LUC7L: variants seen among roughly 807,000 people sequenced by gnomAD.
LUC7L encodes the protein putative RNA-binding protein Luc7-like 1.
Under a neutral mutation model 51.1 loss-of-function variants are expected in LUC7L, and 29 were observed. The ratio of observed to expected loss-of-function variants is 0.57; its 90% CI spans 0.42 to 0.77. LUC7L has a LOEUF of 0.77. Among genes scored for constraint, LUC7L ranks in the 30% least tolerant of loss-of-function variants. LUC7L has a pLI of 0.00. For missense variants in LUC7L, 403 were observed against 511.9 expected (o/e 0.79, Z 2.05); for synonymous variants, 181 against 180.7 (o/e 1.00, Z -0.01).
At chr16:223,404 C>G (rs1337705317) in intron 2 of LUC7L, among the ~76,000 whole-genome samples, 1 of 152,002 alleles carries the variant, frequency 6.6e-6, no homozygotes, top group African/African-American at 2.4e-5. Flanking sequence ...GTGGCATACT[C>G]ACTAACAAAA....
chr16:214,115 T>G (rs528240872), intron 3 of LUC7L, among the ~76,000 whole-genome samples: 2 of 152,234 alleles, frequency 1.3e-5, no homozygotes, highest in East Asian at 3.9e-4. Context: ...TCGCCCAGGC[T>G]AGAGTGCAAT....
At chr16:189,375 C>T in intron 9 of LUC7L, 36 bp from the exon 10 acceptor site, 5 of 1,582,406 alleles carry the variant, frequency 3.2e-6, no homozygotes, top group Admixed American at 1.7e-5. Flanking sequence ...GTGGAGGCTG[C>T]TGCCCCCCTT....
Position 190,561 on chromosome 16 carries a change from T to G in LUC7L, c.786A>C (p.Ser262=), listed in dbSNP as rs776526160. ...REERLSRRSG[S]RTRDRRRSRS... is the part of the protein sequence containing the mutation. Reference sequence around the variant, plus strand: ...CCTACCTCCTGCGATCTCTGGTTCTTGATCCCGACCTAAAAGGGGGAAAAA... The same window carrying G: ...CCTACCTCCTGCGATCTCTGGTTCTGGATCCCGACCTAAAAGGGGGAAAAA... Residue 262 remains serine (S), a synonymous_variant, in exon 8 of 10, where the codon TCA becomes TCC. Coordinates refer to ENST00000293872, the MANE Select transcript of LUC7L (RefSeq NM_201412.3). 2 of 1,613,530 alleles carry G rather than the reference T, an allele frequency of 1.2e-6. No homozygotes were observed. Among genetic ancestry groups the G allele is most frequent in the Non-Finnish European group, 1.7e-6 (2 of 1,180,010 alleles).
chr16:218,318 G>A (rs537124119), intron 3 of LUC7L, among the ~76,000 whole-genome samples: 15 of 152,166 alleles, frequency 9.9e-5, no homozygotes, highest in African/African-American at 3.4e-4. Flanking sequence ...GTGCCTTCCC[G>A]GTCTTCACTC....
chr16:206,026 C>A lies in LUC7L; in HGVS notation c.488G>T (p.Arg163Leu). Residue 163 changes from arginine (R) to leucine (L), a missense_variant, in exon 5 of 10, where the codon CGT becomes CTT. Around this residue, in one of 3 missense-constraint regions of LUC7L, gnomAD observed 182 missense variants for 248.4 expected, o/e 0.73. Transcript: ENST00000293872. ...AACCTCAGCTTCTTTTTTCTTCGCA[C>A]GAACTTTTTCCACTTCCATAAGAAT... ...QKILMEVEKVRAKKKEAEEEY... is the reference protein window; with the variant it reads ...QKILMEVEKVLAKKKEAEEEY... 6.2e-7 allele frequency: 1 copy of A among 1,612,080 alleles called. No homozygotes were observed. The highest frequency in any genetic ancestry group is 8.5e-7 in the Non-Finnish European group (1 of 1,179,596).
At chr16:189,509 T>C (rs1471800100) in intron 9 of LUC7L, 170 bp from the exon 10 acceptor site, 19 of 1,403,092 alleles carry the variant, frequency 1.4e-5, no homozygotes, top group African/African-American at 4.3e-5. Context: ...GAGTGTTAGA[T>C]AGCCATTAAA....
At chr16:215,071 G>A (rs1019771232) in intron 3 of LUC7L, among the ~76,000 whole-genome samples, 2 of 152,028 alleles carry the variant, frequency 1.3e-5, no homozygotes, top group African/African-American at 2.4e-5. Context: ...TATCTCAATA[G>A]TTGTATTACA....
intron 3 of LUC7L, among the ~76,000 whole-genome samples, chr16:216,195 T>C (rs1046591750): frequency 6.6e-6 from 1 of 151,092 alleles, no homozygotes; most frequent in Non-Finnish European, 1.5e-5. Flanking sequence ...GAGATGGGGG[T>C]TTCTCCATGA....
At chr16:191,706 G>A (rs529709591) in intron 7 of LUC7L, among the ~76,000 whole-genome samples, 9 of 152,270 alleles carry the variant, frequency 5.9e-5, no homozygotes, top group East Asian at 5.8e-4. Context: ...TTAGCTGGGC[G>A]TGATGGCACA....
chr16:220,535 A>G lies in LUC7L; in HGVS notation c.255+114T>C. 5.2e-6 allele frequency: 4 copies of G among 770,712 alleles called. No homozygotes were observed. The South Asian group carries it at 6.5e-5, about 13-fold the overall frequency. 47.7% of individuals were successfully genotyped at this position (770,712 alleles called of 1,614,324 possible). A position where few individuals can be genotyped will look rare whatever the true frequency, so the allele number is the denominator to read the frequency against. On this transcript the variant is annotated intron_variant, in intron 3 of 9. Coordinates refer to ENST00000293872, the MANE Select transcript of LUC7L (RefSeq NM_201412.3). ...TAGCTCTGAGCTTGAGTGGCAGGAT[A>G]ACAAGCAACTACCTTATTATTTTGC...
rs144856431 is a variant in LUC7L at position 198,149 on chromosome 16, G to C, written c.687+913C>G. Among the ~76,000 whole-genome samples the C allele has an allele frequency of 6.2e-3, 935 of 151,772 alleles. 17 individuals are homozygous for C. The highest frequency in any genetic ancestry group is 0.021 in the African/African-American group (865 of 41,376). On this transcript the variant is annotated intron_variant, in intron 6 of 9. Transcript: ENST00000293872. ...CAAAAATTAGCCGGGCGTGGTGGCA[G>C]GCACCTGTAGTCCCAGCTACTGTGG... is the stretch of plus-strand genomic sequence containing the variant.
At chr16:223,693 G>A (rs759575271) in intron 2 of LUC7L, among the ~76,000 whole-genome samples, 5 of 150,170 alleles carry the variant, frequency 3.3e-5, no homozygotes, top group East Asian at 3.9e-4. Context: ...TTTTTGAGGC[G>A]GAGTCTCACT....
chr16:205,756 A>AT (rs894083271), intron 5 of LUC7L, among the ~76,000 whole-genome samples: 17 of 152,038 alleles, frequency 1.1e-4, no homozygotes, highest in African/African-American at 4.1e-4. Context: ...TGCCCGGCTA[A>AT]TTTTTTTGTA....
At chr16:208,224 T>C (rs1325295734) in intron 3 of LUC7L, 36 bp from the exon 4 acceptor site, 2 of 1,455,812 alleles carry the variant, frequency 1.4e-6, no homozygotes, top group African/African-American at 1.4e-5. Flanking sequence ...TAATCAATGA[T>C]GTGTAAAGCG....
chr16:189,576 G>A (rs2048954180), intron 9 of LUC7L: 4 of 1,375,154 alleles, frequency 2.9e-6, no homozygotes, highest in Admixed American at 3.1e-5. Context: ...CATAAACAGT[G>A]CAAAGGAGAA....
chr16:194,054 C>T (rs1294479799), intron 6 of LUC7L, among the ~76,000 whole-genome samples: 1 of 151,906 alleles, frequency 6.6e-6, no homozygotes, highest in African/African-American at 2.4e-5. Context: ...CCGCCCGCCT[C>T]GGCCTCCCAC....
At chr16:205,928 G>A in intron 5 of LUC7L, 76 bp downstream of exon 5, 1 of 1,511,946 alleles carries the variant, frequency 6.6e-7, no homozygotes, top group Non-Finnish European at 9.0e-7. Context: ...AGCAAGCATG[G>A]GCTCAATTAA....
At chr16:227,872 C>T (rs1219861267) in intron 1 of LUC7L, 3 of 1,000,598 alleles carry the variant, frequency 3.0e-6, no homozygotes, top group African/African-American at 1.7e-5. Context: ...TTCGTTCCCA[C>T]CCTTAAAAAA....
intron 3 of LUC7L, among the ~76,000 whole-genome samples, chr16:219,492 G>A (rs1192329988): frequency 6.6e-6 from 1 of 152,092 alleles, no homozygotes; most frequent in Non-Finnish European, 1.5e-5. Context: ...GTGGAAGAAG[G>A]ATCACCTGAG....
Sources: gnomAD v4.1 joint callset for allele counts (sites outside exome capture counted in the v4.1 genomes callset) on GRCh38, gnomAD v4.1.1 for gene constraint, gnomAD v4.1.1 regional missense constraint, MANE v1.5 for transcripts, NCBI Gene and HGNC (gene_info 2026-07-23, HGNC 2026-07-21) for gene names.